Variants in ESRRB observed in about 807,000 individuals in gnomAD.
ESRRB encodes the protein estrogen related receptor beta.
Under a neutral mutation model 46.0 loss-of-function variants are expected in ESRRB, and 16 were observed. The ratio of observed to expected loss-of-function variants is 0.35; its 90% CI spans 0.24 to 0.53. The LOEUF (loss-of-function observed/expected upper bound fraction) is 0.53, where lower values mean the gene tolerates loss of function less well. ESRRB is among the 20% of genes least tolerant of loss of function. The pLI is 0.93. For synonymous variants in ESRRB, 246 were observed against 259.6 expected (o/e 0.95, Z 0.50); for missense variants, 488 against 607.4 (o/e 0.80, Z 2.07).
intron 6 of ESRRB, among the ~76,000 whole-genome samples, chr14:76,492,603 C>T (rs60839677): frequency 6.6e-6 from 1 of 152,190 alleles, no homozygotes; most frequent in Non-Finnish European, 1.5e-5. Context: ...CAGGGTCACA[C>T]AGTTAAAAAG....
At chr14:76,360,739 C>G (rs1884452870) in intron 1 of ESRRB, among the ~76,000 whole-genome samples, 1 of 152,136 alleles carries the variant, frequency 6.6e-6, no homozygotes, top group East Asian at 1.9e-4. Flanking sequence ...TCAGAGGGCT[C>G]CCTCCATTAG....
chr14:76,490,824 G>A (rs1190130829), intron 5 of ESRRB, among the ~76,000 whole-genome samples: 1 of 152,206 alleles, frequency 6.6e-6, no homozygotes, highest in Non-Finnish European at 1.5e-5. Flanking sequence ...CCCTGGGAGA[G>A]CAGGCTGTCC....
chr14:76,467,889 C>T (rs942467203), intron 3 of ESRRB, among the ~76,000 whole-genome samples: 9 of 152,158 alleles, frequency 5.9e-5, no homozygotes, highest in African/African-American at 7.2e-5. Context: ...CTCCCTCACG[C>T]GACCGGCCTC....
At chr14:76,354,045 A>G (rs900537407) in intron 1 of ESRRB, among the ~76,000 whole-genome samples, 1 of 152,116 alleles carries the variant, frequency 6.6e-6, no homozygotes, top group Non-Finnish European at 1.5e-5. Context: ...CTCCAAGCCT[A>G]TGTCAGCCCC....
chr14:76,455,102 A>G (rs1271926143), intron 2 of ESRRB, among the ~76,000 whole-genome samples: 1 of 152,190 alleles, frequency 6.6e-6, no homozygotes, highest in African/African-American at 2.4e-5. Flanking sequence ...CTGTAATCCC[A>G]GCTACTTGGG....
At position 76,498,664 on chromosome 14, in the gene ESRRB, G is replaced by T. The variant is rs953951292; in HGVS notation, c.*206G>T. 7.0e-7 allele frequency: 1 copy of T among 1,438,476 alleles called. No individual in the cohort carries two copies. The allele number at this position is 1,438,476 out of a possible 1,614,324, so 89.1% of individuals were successfully genotyped here. On this transcript the variant is annotated 3_prime_UTR_variant, in exon 7 of 7. Transcript: ENST00000644823. ...ACGGGGATGGGGGGGCAGGGGTGTG[G>T]GGCTCGACTGTAACTGGCTTTTTCT... is the stretch of plus-strand genomic sequence containing the variant.
chr14:76,479,782 AAGG>A (rs1889733347), intron 3 of ESRRB, among the ~76,000 whole-genome samples: 1 of 152,192 alleles, frequency 6.6e-6, no homozygotes, highest in South Asian at 2.1e-4. Context: ...GAGCAGAGAG[AAGG>A]AGAACATGTA....
intron 1 of ESRRB, among the ~76,000 whole-genome samples, chr14:76,381,129 C>T (rs1001923984): frequency 1.3e-5 from 2 of 152,118 alleles, no homozygotes; most frequent in African/African-American, 4.8e-5. Flanking sequence ...CCCTGATGTC[C>T]CCTGTCCCCT....
chr14:76,449,167 G>C (rs971355242), intron 2 of ESRRB, among the ~76,000 whole-genome samples: 5 of 152,134 alleles, frequency 3.3e-5, no homozygotes, highest in African/African-American at 1.2e-4. Context: ...CTTATGATCA[G>C]GATATCCACA....
intron 1 of ESRRB, among the ~76,000 whole-genome samples, chr14:76,425,842 G>A (rs1445645490): frequency 6.6e-6 from 1 of 152,094 alleles, no homozygotes; most frequent in Non-Finnish European, 1.5e-5. Flanking sequence ...TCCTACCTCA[G>A]CCTCCTGAGT....
intron 1 of ESRRB, among the ~76,000 whole-genome samples, chr14:76,383,966 A>T (rs1885117274): frequency 6.6e-6 from 1 of 152,134 alleles, no homozygotes; most frequent in Admixed American, 6.5e-5. Context: ...ACTAAACTTT[A>T]TGCAAAACCA....
At chr14:76,401,801 A>G (rs1283599493) in intron 1 of ESRRB, among the ~76,000 whole-genome samples, 1 of 152,192 alleles carries the variant, frequency 6.6e-6, no homozygotes, top group East Asian at 1.9e-4. Flanking sequence ...AATGCATTTC[A>G]TTATTAAGCA....
chr14:76,438,650 C>T lies in ESRRB; in HGVS notation c.51-691C>T, dbSNP rs145666723. On this transcript the variant is annotated intron_variant, in intron 1 of 6. Transcript: ENST00000644823. ...TTGCACTCCAGCCTAGGCGACGGAG[C>T]GAGACTCCATCTCAAAAAAAAAAAA... is the stretch of plus-strand genomic sequence containing the variant. Among the ~76,000 whole-genome samples the T allele has an allele frequency of 3.1e-3, 464 of 148,618 alleles. 2 individuals are homozygous for T. Among genetic ancestry groups the T allele is most frequent in the African/African-American group, 0.01 (418 of 40,354 alleles).
intron 3 of ESRRB, among the ~76,000 whole-genome samples, chr14:76,466,337 A>G (rs1191323525): frequency 6.6e-6 from 1 of 152,140 alleles, no homozygotes; most frequent in Non-Finnish European, 1.5e-5. Flanking sequence ...TTTCTTAGGT[A>G]AAATAATCAG....
At chr14:76,428,152 C>T (rs1769103122) in intron 1 of ESRRB, among the ~76,000 whole-genome samples, 1 of 152,102 alleles carries the variant, frequency 6.6e-6, no homozygotes, top group Non-Finnish European at 1.5e-5. Flanking sequence ...GCATGCACCA[C>T]CATGCCTGGC....
chr14:76,458,348 T>G (rs1478172435), intron 2 of ESRRB, among the ~76,000 whole-genome samples: 2 of 152,070 alleles, frequency 1.3e-5, no homozygotes, highest in Non-Finnish European at 2.9e-5. Context: ...AGCCTGGCTT[T>G]GCTGGCAGCT....
Position 76,376,567 on chromosome 14 carries a change from G to T in ESRRB, c.50+116G>T. ...TGTAAAAGTGGAAGGGACTTCGGGG[G>T]GGCACTTGGGGGACGAAGGAGGGGA... is the stretch of plus-strand genomic sequence containing the variant. On this transcript the variant is annotated intron_variant, in intron 1 of 6. Transcript: ENST00000644823. This position sits in a 1 kb window ranked among gnomAD's most constrained non-coding sequence, Gnocchi z 4.1. 1 of 668,880 alleles carries T rather than the reference G, an allele frequency of 1.5e-6. No individual in the cohort carries two copies. The highest frequency in any genetic ancestry group is 2.1e-6 in the Non-Finnish European group (1 of 473,248). The allele number at this position is 668,880 out of a possible 1,614,324, so 41.4% of individuals were successfully genotyped here. A position where few individuals can be genotyped will look rare whatever the true frequency, so the allele number is the denominator to read the frequency against.
In ESRRB at chr14:76,500,969, C is replaced by G. The variant is rs547546679; in HGVS notation, c.*2511C>G. 214 of 565,432 alleles carry G rather than the reference C, an allele frequency of 3.8e-4. 1 individual carries two copies. Among genetic ancestry groups the G allele is most frequent in the African/African-American group, 3.6e-3 (190 of 53,354 alleles). 35.0% of individuals were successfully genotyped at this position (565,432 alleles called of 1,614,324 possible). ...TGGTACTGAAGGGGTCCATTGGACA[C>G]TCAGAAAAGAAGTTCAGGGGCCAAC... On this transcript the variant is annotated 3_prime_UTR_variant, in exon 7 of 7. Coordinates refer to ENST00000644823, the MANE Select transcript of ESRRB (RefSeq NM_001379180.1).
chr14:76,407,375 G>C (rs1362738044), intron 1 of ESRRB: 3 of 165,376 alleles, frequency 1.8e-5, no homozygotes, highest in Non-Finnish European at 3.7e-5. Context: ...TGACCCTAGA[G>C]CCCATGGTTC....
Sources: gnomAD v4.1 joint callset for allele counts (sites outside exome capture counted in the v4.1 genomes callset) on GRCh38, gnomAD v4.1.1 for gene constraint, Gnocchi (gnomAD v3.1) non-coding constraint, MANE v1.5 for transcripts, NCBI Gene and HGNC (gene_info 2026-07-23, HGNC 2026-07-21) for gene names.